The following FAT3 variants were observed in gnomAD, a reference collection of about 807,000 sequenced individuals.
FAT3 encodes the protein FAT atypical cadherin 3, also known as protocadherin Fat 3.
Under a neutral mutation model 310.2 loss-of-function variants are expected in FAT3, and 95 were observed. The observed-to-expected ratio is 0.31, with a 90% CI of 0.26 to 0.36. The LOEUF (loss-of-function observed/expected upper bound fraction) is 0.36, where lower values mean the gene tolerates loss of function less well. FAT3 is among the 10% of genes least tolerant of loss of function. The probability of loss-of-function intolerance (pLI) is 1.00; values close to 1 mark genes in which losing one functional copy is unlikely to be tolerated. For missense variants in FAT3, 5,408 were observed against 5,715.6 expected, an observed-to-expected ratio of 0.95 and a Z score of 1.74; for synonymous variants, 2,314 against 2,192.9, an observed-to-expected ratio of 1.06 and a Z score of -1.54.
chr11:92,786,602 T>A (rs1219632226), intron 7 of FAT3, among the ~76,000 whole-genome samples: 1 of 152,144 alleles, frequency 6.6e-6, no homozygotes, highest in Admixed American at 6.5e-5. Context: ...TCTTACTACA[T>A]ATTATGTTGG....
chr11:92,503,868 A>T (rs1953019894), intron 2 of FAT3, among the ~76,000 whole-genome samples: 1 of 152,122 alleles, frequency 6.6e-6, no homozygotes, highest in Non-Finnish European at 1.5e-5. Flanking sequence ...TACAGTTCTC[A>T]CATATGTAAA....
intron 3 of FAT3, among the ~76,000 whole-genome samples, chr11:92,627,631 G>A (rs1326106562): frequency 6.6e-6 from 1 of 152,128 alleles, no homozygotes; most frequent in African/African-American, 2.4e-5. Context: ...AGAAGCTGTG[G>A]TTTGAGAGCC....
At chr11:92,227,190 G>T (rs1422834897) in intron 1 of FAT3, among the ~76,000 whole-genome samples, 1 of 152,162 alleles carries the variant, frequency 6.6e-6, no homozygotes, top group African/African-American at 2.4e-5. Context: ...GTGGCCACTT[G>T]TTTTCTGCCG....
At chr11:92,453,683 C>CT (rs947932721) in intron 2 of FAT3, among the ~76,000 whole-genome samples, 1 of 152,006 alleles carries the variant, frequency 6.6e-6, no homozygotes, top group Non-Finnish European at 1.5e-5. Flanking sequence ...GATAAAATAA[C>CT]TTTTATTAAG....
At position 92,882,730 on chromosome 11, in the gene FAT3, C is replaced by T. The variant is rs1315635483; in HGVS notation, c.12282-8C>T. 7 of 1,583,228 alleles carry T rather than the reference C, an allele frequency of 4.4e-6. No individual in the cohort carries two copies. The highest frequency in any genetic ancestry group is 2.7e-5 in the African/African-American group (2 of 74,302). On this transcript the variant is annotated splice_region_variant and splice_polypyrimidine_tract_variant and intron_variant, in intron 23 of 27. Transcript: ENST00000525166. ...TGACGGTGGGGAGGGGCTTCTGTGT[C>T]GCCGCAGGTGTGAGGAGGACATCAA...
At chr11:92,351,509 A>G (rs1183960289) in intron 1 of FAT3, among the ~76,000 whole-genome samples, 3 of 152,178 alleles carry the variant, frequency 2.0e-5, no homozygotes, top group Non-Finnish European at 4.4e-5. Flanking sequence ...CATGCTATAT[A>G]TACTGTTTGA....
At chr11:92,674,002 G>A (rs745500095) in intron 3 of FAT3, among the ~76,000 whole-genome samples, 8 of 151,854 alleles carry the variant, frequency 5.3e-5, no homozygotes, top group Non-Finnish European at 8.8e-5. Flanking sequence ...CCAACATGGT[G>A]AAACCATGTT....
At chr11:92,722,361 G>A (rs1944885801) in intron 4 of FAT3, among the ~76,000 whole-genome samples, 1 of 152,160 alleles carries the variant, frequency 6.6e-6, no homozygotes, top group African/African-American at 2.4e-5. Context: ...TCATATCCAG[G>A]TCATGCTGAT....
At chr11:92,837,054 A>G (rs929970772) in intron 16 of FAT3, among the ~76,000 whole-genome samples, 1 of 152,168 alleles carries the variant, frequency 6.6e-6, no homozygotes, top group South Asian at 2.1e-4. Context: ...AGCAGGTACA[A>G]AAAGATCACC....
At chr11:92,444,149 C>G (rs1951152575) in intron 2 of FAT3, among the ~76,000 whole-genome samples, 1 of 152,110 alleles carries the variant, frequency 6.6e-6, no homozygotes, top group Non-Finnish European at 1.5e-5. Context: ...ATGAGAGTAT[C>G]TTCTCTATAA....
intron 3 of FAT3, among the ~76,000 whole-genome samples, chr11:92,687,193 GCCA>G (rs1943658961): frequency 6.6e-6 from 1 of 152,142 alleles, no homozygotes; most frequent in African/African-American, 2.4e-5. Flanking sequence ...CTGAGTACAA[GCCA>G]CTGTGCCAAG....
chr11:92,623,770 C>A (rs934987137), intron 3 of FAT3, among the ~76,000 whole-genome samples: 30 of 151,962 alleles, frequency 2.0e-4, no homozygotes, highest in African/African-American at 6.8e-4. Context: ...GGTGAAACCC[C>A]GTCTCTACTA....
At chr11:92,697,118 A>G (rs1943966397) in intron 3 of FAT3, among the ~76,000 whole-genome samples, 1 of 152,218 alleles carries the variant, frequency 6.6e-6, no homozygotes, top group Non-Finnish European at 1.5e-5. Context: ...TCTTAAAAAC[A>G]GAAGTTTTTT....
intron 7 of FAT3, among the ~76,000 whole-genome samples, chr11:92,777,303 G>T (rs1399905565): frequency 6.6e-6 from 1 of 152,168 alleles, no homozygotes; most frequent in Admixed American, 6.5e-5. Context: ...AAATAAATCA[G>T]ATCCTCAGTG....
intron 4 of FAT3, among the ~76,000 whole-genome samples, chr11:92,714,084 A>G (rs1944602754): frequency 6.6e-6 from 1 of 152,220 alleles, no homozygotes; most frequent in Non-Finnish European, 1.5e-5. Flanking sequence ...GAGAGTTCTT[A>G]TAAGACTACT....
chr11:92,240,903 T>G (rs1358790274), intron 1 of FAT3, among the ~76,000 whole-genome samples: 3 of 152,062 alleles, frequency 2.0e-5, no homozygotes, highest in Non-Finnish European at 4.4e-5. Context: ...CCAGTCTATT[T>G]TATAATCCAC....
At chr11:92,347,885 T>C (rs568093313) in intron 1 of FAT3, among the ~76,000 whole-genome samples, 1 of 152,308 alleles carries the variant, frequency 6.6e-6, no homozygotes, top group African/African-American at 2.4e-5. Flanking sequence ...AATAAATCAA[T>C]GTGCAGAGCA....
chr11:92,836,364 A>C lies in FAT3; in HGVS notation c.10087-202A>C, dbSNP rs993274045. Among the ~76,000 whole-genome samples the C allele has an allele frequency of 1.4e-4, 21 of 152,186 alleles. 1 individual carries two copies. The East Asian group carries it at 3.9e-3, about 28-fold the overall frequency. ...GGTAAAAAATTAACATAAAAATAAAATGGCAGCTGCGGGCCTGGTGCCACC... is the reference window on the plus strand; with the variant it reads ...GGTAAAAAATTAACATAAAAATAAACTGGCAGCTGCGGGCCTGGTGCCACC... On this transcript the variant is annotated intron_variant, in intron 15 of 27. Transcript: ENST00000525166.
At chr11:92,656,290 G>T (rs1203769331) in intron 3 of FAT3, among the ~76,000 whole-genome samples, 1 of 152,192 alleles carries the variant, frequency 6.6e-6, no homozygotes, top group African/African-American at 2.4e-5. Context: ...CAGCCAGTCA[G>T]CACTTGATTA....
Sources: allele counts gnomAD v4.1 joint callset (sites outside exome capture counted in the v4.1 genomes callset), GRCh38; gene constraint gnomAD v4.1.1; transcripts MANE v1.5; gene names NCBI Gene and HGNC (gene_info 2026-07-23, HGNC 2026-07-21).